The following ROR2 variants were observed in gnomAD, a reference collection of about 807,000 sequenced individuals.
The protein encoded by ROR2 is ROR family WNT receptor 2.
In ROR2, 33 loss-of-function variants were observed where a neutral mutation model predicts 74.9. The ratio of observed to expected loss-of-function variants is 0.44; its 90% confidence interval spans 0.33 to 0.59. The LOEUF (loss-of-function observed/expected upper bound fraction) is 0.59, where lower values mean the gene tolerates loss of function less well. Among genes scored for constraint, ROR2 ranks in the 20% least tolerant of loss-of-function variants. The pLI is 0.02. For missense variants in ROR2, 1,216 were observed against 1,313.8 expected (o/e 0.93, Z 1.15); for synonymous variants, 586 against 558.7 (o/e 1.05, Z -0.69).
intron 4 of ROR2, among the ~76,000 whole-genome samples, chr9:91,741,027 T>C (rs4500142): frequency 0.76 from 116,017 of 151,946 alleles, 44,354 homozygotes; most frequent in African/African-American, 0.82. Context: ...CTCGGCCGGG[T>C]GCGGTGGCTC....
chr9:91,750,279 G>A lies in ROR2; in HGVS notation c.494+5792C>T, dbSNP rs941061702. Among the ~76,000 whole-genome samples the A allele has an allele frequency of 2.0e-5, 3 of 152,190 alleles. 1 individual carries two copies. The South Asian group carries it at 6.2e-4, about 31-fold the overall frequency. On this transcript the variant is annotated intron_variant, in intron 4 of 8. Transcript: ENST00000375708. Reference sequence around the variant, plus strand: ...ATCTACCATAGTTATTTTCTATAATGTCACGACAAACACTGAATTAGTGAA... The same window carrying A: ...ATCTACCATAGTTATTTTCTATAATATCACGACAAACACTGAATTAGTGAA...
intron 1 of ROR2, chr9:91,923,552 G>C (rs905055328): frequency 2.0e-5 from 3 of 152,218 alleles, no homozygotes; most frequent in Admixed American, 6.5e-5. Flanking sequence ...ACCCAGGGTT[G>C]AGGAAATGTG....
At chr9:91,841,788 T>C (rs1271845968) in intron 1 of ROR2, among the ~76,000 whole-genome samples, 1 of 152,238 alleles carries the variant, frequency 6.6e-6, no homozygotes, top group African/African-American at 2.4e-5. Flanking sequence ...CAGACCTCCC[T>C]GCCATCCCCA....
chr9:91,793,329 A>G (rs111679309), intron 1 of ROR2, among the ~76,000 whole-genome samples: 26 of 152,326 alleles, frequency 1.7e-4, no homozygotes, highest in African/African-American at 6.0e-4. Context: ...CTAAATGGGA[A>G]GATGAAGGAT....
intron 1 of ROR2, among the ~76,000 whole-genome samples, chr9:91,817,410 G>A (rs1827978931): frequency 6.6e-6 from 1 of 152,182 alleles, no homozygotes; most frequent in Non-Finnish European, 1.5e-5. Flanking sequence ...TAGAGACAGT[G>A]ACCTGCAAGA....
intron 1 of ROR2, among the ~76,000 whole-genome samples, chr9:91,912,201 T>C (rs1334785386): frequency 6.6e-6 from 1 of 152,216 alleles, no homozygotes; most frequent in Non-Finnish European, 1.5e-5. Context: ...ATACCAATAT[T>C]AACTTTCTAG....
At chr9:91,784,667 C>T (rs777893571) in intron 1 of ROR2, among the ~76,000 whole-genome samples, 4 of 152,200 alleles carry the variant, frequency 2.6e-5, no homozygotes, top group African/African-American at 4.8e-5. Flanking sequence ...CTTTTGTAGA[C>T]GTAAATTACA....
Position 91,731,125 on chromosome 9 carries a change from T to A in ROR2, c.968A>T (p.Asp323Val). ...GGTGGTGCTTGCCGTTCCTCTGTAA[T>A]CCATGCCTGAGCCGTTATAGCACTG... ...YHQCYNGSGMDYRGTASTTKS... is the reference protein window; with the variant it reads ...YHQCYNGSGMVYRGTASTTKS... Residue 323 changes from aspartate (D) to valine (V), a missense_variant, in exon 7 of 9, where the codon GAT (aspartate) becomes GTT (valine). By Grantham distance (152) the Asp-to-Val change is radical. Transcript: ENST00000375708. The A allele has an allele frequency of 6.2e-7, 1 of 1,614,028 alleles. No homozygotes were observed. Among genetic ancestry groups the A allele is most frequent in the South Asian group, 1.1e-5 (1 of 91,074 alleles).
intron 1 of ROR2, among the ~76,000 whole-genome samples, chr9:91,926,040 T>C (rs918787538): frequency 6.7e-6 from 1 of 149,436 alleles, no homozygotes; most frequent in Admixed American, 6.6e-5. Context: ...GGTCAAGAGT[T>C]CAAGACCAGC....
intron 1 of ROR2, among the ~76,000 whole-genome samples, chr9:91,916,340 C>G (rs1469092296): frequency 1.5e-5 from 2 of 133,794 alleles, no homozygotes; most frequent in African/African-American, 5.6e-5. Context: ...GTGATGCTCC[C>G]CTGACTTTAT....
intron 1 of ROR2, among the ~76,000 whole-genome samples, chr9:91,860,672 G>A (rs1005016704): frequency 8.5e-5 from 13 of 152,204 alleles, no homozygotes; most frequent in Non-Finnish European, 1.8e-4. Context: ...AAGGCCTGGA[G>A]TACTAACGTG....
intron 1 of ROR2, among the ~76,000 whole-genome samples, chr9:91,926,461 G>T (rs1013937056): frequency 6.7e-6 from 1 of 148,992 alleles, no homozygotes; most frequent in African/African-American, 2.5e-5. Context: ...CTGGAGAATT[G>T]CTTGAACCCG....
intron 1 of ROR2, among the ~76,000 whole-genome samples, chr9:91,845,607 C>T (rs1384832176): frequency 6.6e-6 from 1 of 152,060 alleles, no homozygotes; most frequent in Non-Finnish European, 1.5e-5. Flanking sequence ...CCAGGCTGGG[C>T]GCGGTTGCTC....
At chr9:91,754,357 A>T (rs1033537359) in intron 4 of ROR2, among the ~76,000 whole-genome samples, 3 of 151,772 alleles carry the variant, frequency 2.0e-5, no homozygotes, top group African/African-American at 7.2e-5. Context: ...AGTTTTATTT[A>T]TAAAATACAT....
rs1001278278 is a variant in ROR2, at chr9:91,796,610, G to A, written c.98-20792C>T. Among the ~76,000 whole-genome samples, 64 of 152,152 alleles carry A rather than the reference G, an allele frequency of 4.2e-4. 1 individual carries two copies. The highest frequency in any genetic ancestry group is 4.2e-3 in the Admixed American group (64 of 15,280). ...AAGCTATGCCTGGGTACCTGGGTGGGACGCTGACGCCCTGGGCTCAGTGGG... is the reference window on the plus strand; with the variant it reads ...AAGCTATGCCTGGGTACCTGGGTGGAACGCTGACGCCCTGGGCTCAGTGGG... On this transcript the variant is annotated intron_variant, in intron 1 of 8. Transcript: ENST00000375708.
chr9:91,880,865 G>C (rs1830088186), intron 1 of ROR2, among the ~76,000 whole-genome samples: 1 of 152,206 alleles, frequency 6.6e-6, no homozygotes, highest in African/African-American at 2.4e-5. Flanking sequence ...ACCCTGCAGT[G>C]AATCCTGCTG....
chr9:91,735,705 C>T (rs2118717414), intron 5 of ROR2, among the ~76,000 whole-genome samples: 1 of 139,276 alleles, frequency 7.2e-6, no homozygotes, highest in Middle Eastern at 4.1e-3. Context: ...CAACTTCCAC[C>T]TCTCGGGTTT....
chr9:91,924,757 T>C (rs1440928919), intron 1 of ROR2, among the ~76,000 whole-genome samples: 9 of 151,490 alleles, frequency 5.9e-5, no homozygotes. Flanking sequence ...CACGCCAGCC[T>C]GGGCGACAGA....
chr9:91,825,510 G>A (rs1185615282), intron 1 of ROR2, among the ~76,000 whole-genome samples: 3 of 152,172 alleles, frequency 2.0e-5, no homozygotes, highest in Non-Finnish European at 4.4e-5. Context: ...TTGCCCAGAC[G>A]ATGCAGAAAG....
Sources: allele counts gnomAD v4.1 joint callset (sites outside exome capture counted in the v4.1 genomes callset), GRCh38; gene constraint gnomAD v4.1.1; transcripts MANE v1.5; gene names NCBI Gene and HGNC (gene_info 2026-07-23, HGNC 2026-07-21).